SPIDR: variants seen among roughly 807,000 people sequenced by gnomAD.
SPIDR encodes DNA repair-scaffolding protein.
A neutral mutation model predicts 104.6 loss-of-function variants in SPIDR; 93 were observed. The ratio of observed to expected loss-of-function variants is 0.89; its 90% CI spans 0.75 to 1.06. SPIDR has a LOEUF of 1.06. Ranked by LOEUF, SPIDR falls within the 50% of genes least tolerant of loss-of-function variation. The pLI is 0.00. For synonymous variants in SPIDR, 431 were observed against 416.9 expected (o/e 1.03, Z -0.41); for missense variants, 1,154 against 1,111.2 (o/e 1.04, Z -0.55).
intron 5 of SPIDR, among the ~76,000 whole-genome samples, chr8:47,350,082 T>G (rs2053157310): frequency 6.6e-6 from 1 of 152,222 alleles, no homozygotes; most frequent in South Asian, 2.1e-4. Context: ...ACTGGAGCTG[T>G]TCCTATTCAG....
chr8:47,690,970 C>T (rs991223907), intron 11 of SPIDR, among the ~76,000 whole-genome samples: 1 of 152,108 alleles, frequency 6.6e-6, no homozygotes, highest in Non-Finnish European at 1.5e-5. Flanking sequence ...TTCCTTCTTT[C>T]AGTTTCTCCA....
intron 1 of SPIDR, among the ~76,000 whole-genome samples, chr8:47,276,395 A>C (rs1232283950): frequency 6.6e-6 from 1 of 152,244 alleles, no homozygotes; most frequent in Non-Finnish European, 1.5e-5. Context: ...ACTTTTACCA[A>C]GATCTTGAAA....
At chr8:47,673,052 T>C (rs2075993731) in intron 10 of SPIDR, among the ~76,000 whole-genome samples, 1 of 152,268 alleles carries the variant, frequency 6.6e-6, no homozygotes, top group South Asian at 2.1e-4. Context: ...TTTTGTGATG[T>C]TATTTACTGA....
At chr8:47,666,207 A>T (rs113376876) in intron 10 of SPIDR, among the ~76,000 whole-genome samples, 2,484 of 152,332 alleles carry the variant, frequency 0.016, 65 homozygotes, top group African/African-American at 0.057. Flanking sequence ...AAATAAAATT[A>T]AAAATGTAGT....
intron 8 of SPIDR, among the ~76,000 whole-genome samples, chr8:47,501,853 AG>A (rs1286390707): frequency 9.2e-5 from 14 of 152,272 alleles, no homozygotes; most frequent in East Asian, 3.9e-4. Context: ...TTTAGCATGA[AG>A]GGTTGTTGAA....
At chr8:47,509,419 G>A (rs1216155897) in intron 8 of SPIDR, among the ~76,000 whole-genome samples, 1 of 152,114 alleles carries the variant, frequency 6.6e-6, no homozygotes, top group Non-Finnish European at 1.5e-5. Context: ...AGACATTCCT[G>A]GCATCTAGCT....
chr8:47,485,268 T>G (rs1564103510), intron 8 of SPIDR, among the ~76,000 whole-genome samples: 1 of 152,168 alleles, frequency 6.6e-6, no homozygotes, highest in East Asian at 1.9e-4. Flanking sequence ...GCTAGTACAG[T>G]CTGAGATCAA....
intron 8 of SPIDR, among the ~76,000 whole-genome samples, chr8:47,572,136 A>G (rs1010853024): frequency 5.3e-5 from 8 of 152,174 alleles, no homozygotes; most frequent in Non-Finnish European, 8.8e-5. Context: ...TAAAATATTT[A>G]GGTAGTATTT....
At chr8:47,468,350 C>G (rs1193648819) in intron 8 of SPIDR, among the ~76,000 whole-genome samples, 7 of 152,156 alleles carry the variant, frequency 4.6e-5, no homozygotes, top group Non-Finnish European at 1.5e-5. Flanking sequence ...CTAATAAAAA[C>G]TATTTTCAAA....
chr8:47,696,220 T>A (rs2079313154), intron 11 of SPIDR, among the ~76,000 whole-genome samples: 1 of 152,248 alleles, frequency 6.6e-6, no homozygotes, highest in African/African-American at 2.4e-5. Flanking sequence ...TTTGTAATTT[T>A]TTTCTGAAGA....
chr8:47,723,601 T>C (rs1045298656), intron 16 of SPIDR, among the ~76,000 whole-genome samples: 4 of 152,036 alleles, frequency 2.6e-5, no homozygotes, highest in African/African-American at 9.7e-5. Context: ...GGCTAATTTT[T>C]AGTATTTTTA....
rs1284925020 is a variant in SPIDR at position 47,416,774 on chromosome 8, C to T, written c.877+8813C>T. 1.1e-4 allele frequency among the ~76,000 whole-genome samples: 16 copies of T among 152,028 alleles called. No individual in the cohort carries two copies. The East Asian group carries it at 3.1e-3, about 29-fold the overall frequency. The stretch of plus-strand genomic sequence containing the variant: ...CTCCTAATGCTATCCCTCCACCCTG[C>T]CCCCACCCCACCCACAACAGGCCCT... On this transcript the variant is annotated intron_variant, in intron 7 of 19. Coordinates refer to ENST00000297423, the MANE Select transcript of SPIDR (RefSeq NM_001080394.4).
At chr8:47,323,126 A>AG (rs2047054561) in intron 5 of SPIDR, among the ~76,000 whole-genome samples, 1 of 152,024 alleles carries the variant, frequency 6.6e-6, no homozygotes, top group African/African-American at 2.4e-5. Context: ...AAGAAAAGTA[A>AG]GGTGGATTAA....
intron 4 of SPIDR, among the ~76,000 whole-genome samples, chr8:47,292,390 A>G (rs2154238767): frequency 6.6e-6 from 1 of 152,302 alleles, no homozygotes; most frequent in East Asian, 1.9e-4. Context: ...ATAAGCTGAT[A>G]GCAGTTCTAT....
At chr8:47,575,301 C>T (rs2058945184) in intron 8 of SPIDR, among the ~76,000 whole-genome samples, 1 of 152,166 alleles carries the variant, frequency 6.6e-6, no homozygotes, top group South Asian at 2.1e-4. Context: ...GAAATTTATA[C>T]ATTTCTGATT....
At chr8:47,569,807 G>A (rs1419268454) in intron 8 of SPIDR, among the ~76,000 whole-genome samples, 2 of 152,098 alleles carry the variant, frequency 1.3e-5, no homozygotes, top group African/African-American at 4.8e-5. Flanking sequence ...AGGGTACAAG[G>A]TCAGTATAGA....
intron 5 of SPIDR, among the ~76,000 whole-genome samples, chr8:47,297,354 C>T (rs1554573458): frequency 6.6e-6 from 1 of 152,020 alleles, no homozygotes. Flanking sequence ...TTACATATGG[C>T]CTTTATTGTG....
chr8:47,686,941 CT>C (rs915013730), intron 11 of SPIDR, among the ~76,000 whole-genome samples: 120 of 140,976 alleles, frequency 8.5e-4, no homozygotes, highest in Non-Finnish European at 1.1e-3. Flanking sequence ...AGTTAGGGTT[CT>C]TTTTTTTTTT....
chr8:47,551,340 C>T (rs1056906969), intron 8 of SPIDR, among the ~76,000 whole-genome samples: 1 of 152,104 alleles, frequency 6.6e-6, no homozygotes, highest in Admixed American at 6.6e-5. Flanking sequence ...GTTTCAGAAC[C>T]AATGGTACCA....
Sources: allele counts gnomAD v4.1 joint callset (sites outside exome capture counted in the v4.1 genomes callset), GRCh38; gene constraint gnomAD v4.1.1; transcripts MANE v1.5; gene names NCBI Gene and HGNC (gene_info 2026-07-23, HGNC 2026-07-21).